SORCS1: variants seen among roughly 807,000 people sequenced by gnomAD.
SORCS1 encodes VPS10 domain-containing receptor SorCS1.
A neutral mutation model predicts 146.1 loss-of-function variants in SORCS1; 60 were observed. The observed-to-expected ratio is 0.41, with a 90% confidence interval of 0.33 to 0.51. The LOEUF is 0.51. SORCS1 is among the 20% of genes least tolerant of loss of function. SORCS1 has a pLI of 0.21. For synonymous variants in SORCS1, 637 were observed against 584.0 expected, an observed-to-expected ratio of 1.09 and a Z score of -1.31; for missense variants, 1,352 against 1,487.6, an observed-to-expected ratio of 0.91 and a Z score of 1.50.
intron 3 of SORCS1, among the ~76,000 whole-genome samples, chr10:106,821,077 C>T (rs1418457799): frequency 6.6e-6 from 1 of 152,178 alleles, no homozygotes; most frequent in Non-Finnish European, 1.5e-5. Flanking sequence ...CGCAGATAGT[C>T]TATTATGCTT....
At chr10:107,177,618 T>C in the SORCS1 span, among the ~76,000 whole-genome samples, 1 of 152,224 alleles carries the variant, frequency 6.6e-6, no homozygotes, top group African/African-American at 2.4e-5. Flanking sequence ...AAAAGATTTA[T>C]TTATATATTG....
chr10:106,657,806 C>CCCAT (rs955636900), intron 17 of SORCS1, among the ~76,000 whole-genome samples: 4 of 151,540 alleles, frequency 2.6e-5, no homozygotes, highest in Non-Finnish European at 5.9e-5. Flanking sequence ...GGGCAATTTA[C>CCCAT]CCATCCTCTC....
chr10:106,695,583 G>A (rs1253993944), intron 9 of SORCS1, among the ~76,000 whole-genome samples: 1 of 152,218 alleles, frequency 6.6e-6, no homozygotes, highest in Non-Finnish European at 1.5e-5. Flanking sequence ...TATTTGAAGT[G>A]AAAGTGACAA....
intron 2 of SORCS1, among the ~76,000 whole-genome samples, chr10:106,922,315 G>C (rs766217282): frequency 1.3e-5 from 2 of 152,156 alleles, no homozygotes; most frequent in African/African-American, 2.4e-5. Context: ...TAGGGATGTG[G>C]GAGATAAGAG....
intron 23 of SORCS1, among the ~76,000 whole-genome samples, chr10:106,604,801 A>G (rs770389086): frequency 6.6e-6 from 1 of 151,998 alleles, no homozygotes; most frequent in East Asian, 1.9e-4. Context: ...CATTTTCCAC[A>G]TCTCTTCTTA....
At chr10:107,076,893 ATAGT>A (rs1309496406) in intron 1 of SORCS1, among the ~76,000 whole-genome samples, 1 of 152,160 alleles carries the variant, frequency 6.6e-6, no homozygotes, top group African/African-American at 2.4e-5. Context: ...CATCATGAGA[ATAGT>A]TAGTGTGTTG....
intron 3 of SORCS1, among the ~76,000 whole-genome samples, chr10:106,797,369 A>G (rs1946625026): frequency 6.6e-6 from 1 of 151,900 alleles, no homozygotes; most frequent in Non-Finnish European, 1.5e-5. Context: ...AAATTTCTCT[A>G]AGACTGAAAA....
In SORCS1 at chr10:106,972,508, T is replaced by C. The variant is rs1049180918; in HGVS notation, c.559-15928A>G. 1.7e-4 allele frequency among the ~76,000 whole-genome samples: 26 copies of C among 152,140 alleles called. 1 individual carries two copies. Among genetic ancestry groups the C allele is most frequent in the African/African-American group, 5.3e-4 (22 of 41,406 alleles). On this transcript the variant is annotated intron_variant, in intron 1 of 25. Coordinates refer to ENST00000263054, the MANE Select transcript of SORCS1 (RefSeq NM_052918.5). ...TAATCTATCCTTCTCAACTATCCTTTACAGCAATATGTCTTACCTTTCTTC... is the reference window on the plus strand; with the variant it reads ...TAATCTATCCTTCTCAACTATCCTTCACAGCAATATGTCTTACCTTTCTTC...
In SORCS1 at chr10:106,832,662, A is replaced by C. The variant is rs1186930417; in HGVS notation, c.627-2989T>G. 2.2e-4 allele frequency among the ~76,000 whole-genome samples: 34 copies of C among 152,170 alleles called. 1 individual carries two copies. Among genetic ancestry groups the C allele is most frequent in the Admixed American group, 2.2e-3 (34 of 15,266 alleles). On this transcript the variant is annotated intron_variant, in intron 2 of 25. Transcript: ENST00000263054. ...AATACTCACAAGTTCCAGAACAAAAAAACCAGATGCAAAATCTACCTGGGG... is the reference window on the plus strand; with the variant it reads ...AATACTCACAAGTTCCAGAACAAAACAACCAGATGCAAAATCTACCTGGGG...
intron 17 of SORCS1, among the ~76,000 whole-genome samples, chr10:106,654,312 T>C (rs949301809): frequency 3.3e-5 from 5 of 152,204 alleles, no homozygotes; most frequent in Non-Finnish European, 7.3e-5. Flanking sequence ...GATGGAAGAA[T>C]TGAGATTCAT....
chr10:106,995,196 C>T (rs1385472707), intron 1 of SORCS1, among the ~76,000 whole-genome samples: 1 of 151,862 alleles, frequency 6.6e-6, no homozygotes, highest in African/African-American at 2.4e-5. Flanking sequence ...CGCCTGTAGT[C>T]CCAGCTACTC....
intron 1 of SORCS1, among the ~76,000 whole-genome samples, chr10:107,051,997 T>A (rs1018804206): frequency 5.3e-5 from 8 of 152,162 alleles, no homozygotes; most frequent in African/African-American, 1.7e-4. Flanking sequence ...TTTTGCAAAG[T>A]CACCCTAAAT....
At chr10:106,599,351 G>C (rs999537782) in intron 23 of SORCS1, among the ~76,000 whole-genome samples, 3 of 143,144 alleles carry the variant, frequency 2.1e-5, no homozygotes, top group African/African-American at 8.2e-5. Context: ...CTCAGAGACA[G>C]AGTAAAACTC....
chr10:107,049,968 C>T (rs962968881), intron 1 of SORCS1, among the ~76,000 whole-genome samples: 1 of 152,186 alleles, frequency 6.6e-6, no homozygotes, highest in African/African-American at 2.4e-5. Context: ...AGTTTCGCTT[C>T]AAGCCCATTT....
At chr10:106,757,358 T>A (rs539883834) in intron 5 of SORCS1, among the ~76,000 whole-genome samples, 1 of 152,072 alleles carries the variant, frequency 6.6e-6, no homozygotes, top group Admixed American at 6.6e-5. Context: ...ACACCCCCAA[T>A]AGCCAGGTTC....
chr10:106,992,093 C>T (rs769308072), intron 1 of SORCS1, among the ~76,000 whole-genome samples: 17 of 152,054 alleles, frequency 1.1e-4, no homozygotes, highest in South Asian at 4.1e-4. Context: ...AAGGTGAAGA[C>T]TGAGCAATCA....
chr10:106,610,359 T>C (rs965042743), intron 22 of SORCS1, among the ~76,000 whole-genome samples: 14 of 152,180 alleles, frequency 9.2e-5, no homozygotes, highest in Non-Finnish European at 1.9e-4. Context: ...ATCTCTGAGT[T>C]TCATTTCTTC....
intron 1 of SORCS1, among the ~76,000 whole-genome samples, chr10:107,056,074 T>C (rs1960603264): frequency 6.6e-6 from 1 of 152,148 alleles, no homozygotes. Flanking sequence ...AAGTGAGAAG[T>C]TGTAGAATGA....
chr10:107,180,009 T>C, the SORCS1 span, among the ~76,000 whole-genome samples: 1 of 136,204 alleles, frequency 7.3e-6, no homozygotes, highest in East Asian at 2.5e-4. Context: ...CTCAACCTCC[T>C]GGGCTCAAGC....
Sources: gnomAD v4.1 joint callset for allele counts (sites outside exome capture counted in the v4.1 genomes callset) on GRCh38, gnomAD v4.1.1 for gene constraint, MANE v1.5 for transcripts, NCBI Gene and HGNC (gene_info 2026-07-23, HGNC 2026-07-21) for gene names.